RBM20: variants seen among roughly 807,000 people sequenced by gnomAD.
RBM20 encodes the protein RNA binding motif protein 20, also known as RNA-binding protein 20.
Under a neutral mutation model 110.1 loss-of-function variants are expected in RBM20, and 51 were observed. The observed-to-expected ratio is 0.46, with a 90% CI of 0.37 to 0.59. The LOEUF (loss-of-function observed/expected upper bound fraction) is 0.59, where lower values mean the gene tolerates loss of function less well. Ranked by LOEUF, RBM20 falls within the 20% of genes least tolerant of loss-of-function variation. The pLI, the probability that RBM20 is intolerant of heterozygous loss-of-function variation, is 0.00. For missense variants in RBM20, 1,512 were observed against 1,574.9 expected (o/e 0.96, Z 0.68); for synonymous variants, 589 against 618.2 (o/e 0.95, Z 0.70).
At chr10:110,802,497 G>T (rs1029325328) in intron 7 of RBM20, among the ~76,000 whole-genome samples, 5 of 152,002 alleles carry the variant, frequency 3.3e-5, no homozygotes, top group African/African-American at 1.2e-4. Context: ...CTTCCCTGGG[G>T]GCTGGAATTG....
At chr10:110,780,749 T>C in intron 1 of RBM20, 52 bp from the exon 2 acceptor site, 1 of 1,467,504 alleles carries the variant, frequency 6.8e-7, no homozygotes, top group South Asian at 1.4e-5. Flanking sequence ...AACAGCCCCT[T>C]GCCCCCCTCA....
At chr10:110,756,743 C>G (rs1174103456) in intron 1 of RBM20, 1 of 152,208 alleles carries the variant, frequency 6.6e-6, no homozygotes, top group South Asian at 2.1e-4. Flanking sequence ...TCTTATACAA[C>G]CTTGTGGTTG....
chr10:110,787,639 C>T (rs1050959980), intron 5 of RBM20, among the ~76,000 whole-genome samples: 2 of 152,244 alleles, frequency 1.3e-5, no homozygotes, highest in African/African-American at 4.8e-5. Context: ...CAAGCACAAG[C>T]TATCTGATGA....
At chr10:110,823,879 G>A (rs943265089) in intron 12 of RBM20, among the ~76,000 whole-genome samples, 19 of 136,106 alleles carry the variant, frequency 1.4e-4, no homozygotes, top group African/African-American at 3.9e-4. Flanking sequence ...CACCAGGCCC[G>A]GCTAATTTTT....
At chr10:110,699,129 G>A (rs1055368372) in intron 1 of RBM20, among the ~76,000 whole-genome samples, 1 of 152,006 alleles carries the variant, frequency 6.6e-6, no homozygotes. Context: ...CATGTTAGAC[G>A]GGGGCTCCAC....
At chr10:110,665,372 CT>C (rs1862161579) in intron 1 of RBM20, among the ~76,000 whole-genome samples, 2 of 148,082 alleles carry the variant, frequency 1.4e-5, no homozygotes, top group African/African-American at 4.8e-5. Context: ...ATCTTAATGT[CT>C]TGGCAGGCTT....
chr10:110,792,933 G>A (rs1461704984), intron 5 of RBM20, among the ~76,000 whole-genome samples: 9 of 152,134 alleles, frequency 5.9e-5, no homozygotes, highest in African/African-American at 2.2e-4. Flanking sequence ...ATTGGAACAG[G>A]GAGTGGGAAA....
chr10:110,732,033 T>C (rs111523614), intron 1 of RBM20, among the ~76,000 whole-genome samples: 224 of 152,348 alleles, frequency 1.5e-3, no homozygotes, highest in African/African-American at 5.2e-3. Flanking sequence ...TTCTCACCTA[T>C]GTTTTTCTAA....
Position 110,727,419 on chromosome 10 carries a change from A to AT in RBM20, c.192-53382_192-53381insT, listed in dbSNP as rs1554893414. ...CGTCTCAAAAAATAAAAATAAAAAA[A>AT]AAATAAATAAAAAGTCCATCCTGTT... On this transcript the variant is annotated intron_variant, in intron 1 of 13. Transcript: ENST00000369519. Among the ~76,000 whole-genome samples, 703 of 146,796 alleles carry AT rather than the reference A, an allele frequency of 4.8e-3. 8 individuals are homozygous for AT. The highest frequency in any genetic ancestry group is 0.017 in the African/African-American group (688 of 39,384).
chr10:110,740,005 A>G (rs1843709309), intron 1 of RBM20, among the ~76,000 whole-genome samples: 1 of 152,204 alleles, frequency 6.6e-6, no homozygotes, highest in African/African-American at 2.4e-5. Flanking sequence ...GCTGCCCCTG[A>G]TACTCAGCAA....
At chr10:110,751,437 A>C (rs1843852182) in intron 1 of RBM20, among the ~76,000 whole-genome samples, 1 of 152,250 alleles carries the variant, frequency 6.6e-6, no homozygotes, top group African/African-American at 2.4e-5. Flanking sequence ...AGAAGATAAA[A>C]AACATGCCCC....
intron 1 of RBM20, among the ~76,000 whole-genome samples, chr10:110,724,866 G>A (rs1843544765): frequency 6.6e-6 from 1 of 152,168 alleles, no homozygotes; most frequent in African/African-American, 2.4e-5. Context: ...ATCCTGGTCT[G>A]CCTGCATCCC....
In RBM20 at chr10:110,714,459, A is replaced by T. The variant is rs540822931; in HGVS notation, c.192-66342A>T. ...ACCATCTAGGCTCCTAGGAACTGCTAGAAGGGCCAGACAATGAGGACCCAA... is the reference window on the plus strand; with the variant it reads ...ACCATCTAGGCTCCTAGGAACTGCTTGAAGGGCCAGACAATGAGGACCCAA... On this transcript the variant is annotated intron_variant, in intron 1 of 13. Coordinates refer to ENST00000369519, the MANE Select transcript of RBM20 (RefSeq NM_001134363.3). 3.3e-5 allele frequency among the ~76,000 whole-genome samples: 5 copies of T among 152,300 alleles called. No individual in the cohort carries two copies. In the East Asian group the frequency reaches 9.6e-4, roughly 29 times the overall value.
At chr10:110,715,542 T>A (rs1391084340) in intron 1 of RBM20, among the ~76,000 whole-genome samples, 2 of 152,238 alleles carry the variant, frequency 1.3e-5, no homozygotes, top group Non-Finnish European at 2.9e-5. Context: ...TTTTGTTAAG[T>A]CCTGATAGGT....
intron 1 of RBM20, among the ~76,000 whole-genome samples, chr10:110,657,247 C>T (rs1300406327): frequency 1.3e-5 from 2 of 151,634 alleles, no homozygotes; most frequent in Admixed American, 1.3e-4. Flanking sequence ...GATCTCCTGA[C>T]CTCGTGATCC....
chr10:110,816,332 G>A (rs1027427655), intron 9 of RBM20, among the ~76,000 whole-genome samples: 10 of 89,902 alleles, frequency 1.1e-4, no homozygotes, highest in Non-Finnish European at 1.9e-4. Flanking sequence ...CACTACTGCA[G>A]ACCATCTCAA....
In RBM20 at chr10:110,821,880, C is replaced by T. The variant is rs1426488226; in HGVS notation, c.3261C>T (p.Ser1087=). The T allele has an allele frequency of 1.9e-6, 3 of 1,551,564 alleles. No individual in the cohort carries two copies. The highest frequency in any genetic ancestry group is 2.0e-5 in the Admixed American group (1 of 51,002). Residue 1087 remains serine, a synonymous_variant, in exon 11 of 14, where the codon AGC becomes AGT. Coordinates refer to ENST00000369519, the MANE Select transcript of RBM20 (RefSeq NM_001134363.3). ...GCAGCCCCCTGGAGGAGAAAGCCAGCCCCCCCATCGAAACTGACCTCCAAA... is the reference window on the plus strand; with the variant it reads ...GCAGCCCCCTGGAGGAGAAAGCCAGTCCCCCCATCGAAACTGACCTCCAAA... ...CEGSPLEEKA[S]PPIETDLQNQ... is the part of the protein sequence containing the mutation.
At chr10:110,656,074 G>A (rs144093096) in intron 1 of RBM20, among the ~76,000 whole-genome samples, 2 of 152,246 alleles carry the variant, frequency 1.3e-5, no homozygotes, top group South Asian at 2.1e-4. Context: ...GCCGAGGCAC[G>A]TGGATCACCT....
At chr10:110,790,360 C>A (rs887645688) in intron 5 of RBM20, among the ~76,000 whole-genome samples, 1 of 152,244 alleles carries the variant, frequency 6.6e-6, no homozygotes, top group Non-Finnish European at 1.5e-5. Flanking sequence ...CAAGGGCCAC[C>A]TTGTGCTTTT....
Sources: gnomAD v4.1 joint callset for allele counts (sites outside exome capture counted in the v4.1 genomes callset) on GRCh38, gnomAD v4.1.1 for gene constraint, MANE v1.5 for transcripts, NCBI Gene and HGNC (gene_info 2026-07-23, HGNC 2026-07-21) for gene names.